The following MCHR2 variants were observed in gnomAD, a reference collection of about 807,000 sequenced individuals.
MCHR2 encodes the protein melanin concentrating hormone receptor 2, also known as melanin-concentrating hormone receptor 2.
MCHR2 carries 15 observed loss-of-function variants against 24.8 expected under a neutral mutation model. The ratio of observed to expected loss-of-function variants is 0.60; its 90% confidence interval spans 0.40 to 0.93. MCHR2 has a LOEUF of 0.93. Ranked by LOEUF, MCHR2 falls within the 40% of genes least tolerant of loss-of-function variation. MCHR2 has a pLI of 0.00. For missense variants in MCHR2, 386 were observed against 408.7 expected (o/e 0.94, Z 0.48); for synonymous variants, 151 against 147.6 (o/e 1.02, Z -0.17).
intron 1 of MCHR2, among the ~76,000 whole-genome samples, chr6:99,987,396 G>C (rs1775789204): frequency 1.3e-5 from 2 of 151,980 alleles, no homozygotes. Context: ...TCCAGTTTTG[G>C]ATAGGTATGT....
intron 5 of MCHR2, among the ~76,000 whole-genome samples, chr6:99,927,093 A>T (rs1774380747): frequency 6.6e-6 from 1 of 152,050 alleles, no homozygotes; most frequent in Non-Finnish European, 1.5e-5. Flanking sequence ...TAAATAGGGA[A>T]TCCTTTCCCC....
chr6:99,960,517 T>G (rs1775163131), intron 1 of MCHR2, among the ~76,000 whole-genome samples: 1 of 152,106 alleles, frequency 6.6e-6, no homozygotes, highest in African/African-American at 2.4e-5. Context: ...AGAGCCCCCA[T>G]AGCCAAGACA....
rs1264273477 is a variant in MCHR2, at chr6:99,929,338, T to C, written c.707+5060A>G. Reference sequence around the variant, plus strand: ...TGTTGATTTGGGGTGGAGAGTTCTGTAGATGTCTATTAGGTCTGCTTGGTG... The same window carrying C: ...TGTTGATTTGGGGTGGAGAGTTCTGCAGATGTCTATTAGGTCTGCTTGGTG... On this transcript the variant is annotated intron_variant, in intron 5 of 5. Transcript: ENST00000281806. 2.0e-5 allele frequency among the ~76,000 whole-genome samples: 3 copies of C among 151,978 alleles called. No homozygotes were observed. The East Asian group carries it at 5.8e-4, about 29-fold the overall frequency.
At chr6:99,974,802 G>T (rs1228989932) in intron 1 of MCHR2, among the ~76,000 whole-genome samples, 1 of 152,196 alleles carries the variant, frequency 6.6e-6, no homozygotes, top group African/African-American at 2.4e-5. Flanking sequence ...CAAGTCTGTT[G>T]GAGTTTGCTA....
At chr6:99,982,467 GA>G (rs1196029682) in intron 1 of MCHR2, among the ~76,000 whole-genome samples, 488 of 46,586 alleles carry the variant, frequency 0.01, 2 homozygotes, top group African/African-American at 0.041. Context: ...TGTCTGTACA[GA>G]AAAAAAAAAA....
intron 1 of MCHR2, 75 bp from the exon 2 acceptor site, chr6:99,956,249 A>AT: frequency 1.9e-6 from 2 of 1,075,266 alleles, no homozygotes; most frequent in Non-Finnish European, 2.6e-6. Flanking sequence ...TTCAAATAAT[A>AT]TTTTTTGGAA....
chr6:99,941,194 G>T (rs913861083), intron 4 of MCHR2, among the ~76,000 whole-genome samples: 2 of 148,974 alleles, frequency 1.3e-5, no homozygotes, highest in African/African-American at 4.9e-5. Flanking sequence ...GGGGAGAGGG[G>T]TGTCATGGAT....
chr6:99,972,841 G>T (rs1443986867), intron 1 of MCHR2, among the ~76,000 whole-genome samples: 2 of 152,074 alleles, frequency 1.3e-5, no homozygotes, highest in Non-Finnish European at 2.9e-5. Flanking sequence ...TTCAGGAGCA[G>T]GTTGTTCAGT....
At chr6:99,980,461 G>A (rs1359073205) in intron 1 of MCHR2, among the ~76,000 whole-genome samples, 1 of 152,070 alleles carries the variant, frequency 6.6e-6, no homozygotes, top group African/African-American at 2.4e-5. Flanking sequence ...ATAGAACTAT[G>A]GTTCATCCAT....
rs576594669 is a variant in MCHR2 at position 99,945,262 on chromosome 6, C to T, written c.393-2119G>A. ...AACAATCTCTGGCATATGGTTCATG[C>T]TCAATAAATATTTTTTGAACAAATG... On this transcript the variant is annotated intron_variant, in intron 3 of 5. Transcript: ENST00000281806. Among the ~76,000 whole-genome samples, 6 of 152,254 alleles carry T rather than the reference C, an allele frequency of 3.9e-5. No homozygotes were observed. In the East Asian group the frequency reaches 1.2e-3, roughly 29 times the overall value.
chr6:99,983,502 A>T (rs538370003), intron 1 of MCHR2, among the ~76,000 whole-genome samples: 1 of 152,300 alleles, frequency 6.6e-6, no homozygotes, highest in Non-Finnish European at 1.5e-5. Flanking sequence ...GCCTGATCCC[A>T]GTTGTTCCCC....
rs1051993369 is a variant in MCHR2 at position 99,918,815 on chromosome 6, G to A, written c.*2125C>T. ...AATCACCCTTTTTATTTTCTACTTT[G>A]ATTAAATGCTAAATAAAGCTCCTTA... On this transcript the variant is annotated 3_prime_UTR_variant, in exon 6 of 6. Transcript: ENST00000281806. Among the ~76,000 whole-genome samples the A allele has an allele frequency of 1.3e-5, 2 of 151,988 alleles. No homozygotes were observed. Among genetic ancestry groups the A allele is most frequent in the African/African-American group, 4.8e-5 (2 of 41,374 alleles).
chr6:99,966,073 C>G (rs1345798653), intron 1 of MCHR2, among the ~76,000 whole-genome samples: 1 of 152,148 alleles, frequency 6.6e-6, no homozygotes, highest in Non-Finnish European at 1.5e-5. Flanking sequence ...CCCCACTCTT[C>G]CACCTCTCTA....
intron 3 of MCHR2, among the ~76,000 whole-genome samples, chr6:99,945,521 T>C (rs368438011): frequency 2.0e-5 from 3 of 152,302 alleles, no homozygotes; most frequent in East Asian, 3.9e-4. Context: ...AATGAGTTAT[T>C]GGAAACACTT....
At chr6:99,924,403 C>T (rs1268873648) in intron 5 of MCHR2, among the ~76,000 whole-genome samples, 3 of 151,704 alleles carry the variant, frequency 2.0e-5, no homozygotes, top group African/African-American at 7.3e-5. Context: ...ATTTTAATTT[C>T]ATTCATTTCT....
intron 1 of MCHR2, among the ~76,000 whole-genome samples, chr6:99,983,807 CTTTA>C (rs1562136337): frequency 6.6e-6 from 1 of 152,114 alleles, no homozygotes; most frequent in South Asian, 2.1e-4. Flanking sequence ...TTCTGAACTG[CTTTA>C]TTTAAGGGAT....
chr6:99,965,228 C>T (rs1470304979), intron 1 of MCHR2, among the ~76,000 whole-genome samples: 1 of 152,168 alleles, frequency 6.6e-6, no homozygotes, highest in South Asian at 2.1e-4. Context: ...ACTCTCTGTT[C>T]TCTTCTTTAT....
At chr6:99,984,410 C>A (rs1010700923) in intron 1 of MCHR2, among the ~76,000 whole-genome samples, 9 of 149,682 alleles carry the variant, frequency 6.0e-5, no homozygotes, top group African/African-American at 2.2e-4. Context: ...TCCCTCCCCC[C>A]CACCCCCGTC....
intron 1 of MCHR2, among the ~76,000 whole-genome samples, chr6:99,974,697 A>G (rs1233563049): frequency 6.6e-6 from 1 of 151,900 alleles, no homozygotes; most frequent in Non-Finnish European, 1.5e-5. Context: ...GGTTTTATCT[A>G]CTTTTGGTCT....
Sources: gnomAD v4.1 joint callset for allele counts (sites outside exome capture counted in the v4.1 genomes callset) on GRCh38, gnomAD v4.1.1 for gene constraint, MANE v1.5 for transcripts, NCBI Gene and HGNC (gene_info 2026-07-23, HGNC 2026-07-21) for gene names.